COG5: variants seen among roughly 807,000 people sequenced by gnomAD.
The protein encoded by COG5 is component of oligomeric golgi complex 5.
A neutral mutation model predicts 110.4 loss-of-function variants in COG5; 86 were observed. That is an observed-to-expected ratio of 0.78 (90% CI 0.65 to 0.93). COG5 has a LOEUF of 0.93. COG5 is among the 40% of genes least tolerant of loss of function. The pLI is 0.00. For missense variants in COG5, 1,077 were observed against 987.0 expected, an observed-to-expected ratio of 1.09 and a Z score of -1.22; for synonymous variants, 360 against 334.6, an observed-to-expected ratio of 1.08 and a Z score of -0.83.
chr7:107,461,090 C>T (rs558880244), intron 6 of COG5, among the ~76,000 whole-genome samples: 2 of 152,152 alleles, frequency 1.3e-5, no homozygotes, highest in Admixed American at 1.3e-4. Flanking sequence ...TTTCAACTCA[C>T]TGGAGTCCAG....
At chr7:107,556,164 T>C (rs979797327) in intron 2 of COG5, among the ~76,000 whole-genome samples, 2 of 152,186 alleles carry the variant, frequency 1.3e-5, no homozygotes, top group African/African-American at 2.4e-5. Context: ...ATTTTAGCAC[T>C]GGCATGGAAG....
At chr7:107,353,233 G>A (rs1812319014) in intron 10 of COG5, among the ~76,000 whole-genome samples, 1 of 151,968 alleles carries the variant, frequency 6.6e-6, no homozygotes. Context: ...AGACCATCCT[G>A]GCTAACACGG....
chr7:107,323,504 C>T (rs1016775272), intron 11 of COG5, among the ~76,000 whole-genome samples: 7 of 152,140 alleles, frequency 4.6e-5, no homozygotes, highest in African/African-American at 1.7e-4. Flanking sequence ...GCACTCCAGC[C>T]TGGGTGACAG....
intron 12 of COG5, among the ~76,000 whole-genome samples, chr7:107,284,754 C>T (rs1041744654): frequency 2.6e-5 from 4 of 152,104 alleles, no homozygotes; most frequent in Non-Finnish European, 4.4e-5. Context: ...ATTTTTCTTT[C>T]GACAATTACT....
chr7:107,211,146 G>T lies in COG5; in HGVS notation c.2248C>A (p.Gln750Lys). 2.5e-6 allele frequency: 4 copies of T among 1,614,018 alleles called. No homozygotes were observed. The highest frequency in any genetic ancestry group is 1.7e-5 in the Admixed American group (1 of 60,030). The change falls in exon 20 of 22, where the codon CAG becomes AAG. Residue 750 changes from glutamine to lysine, a missense_variant. Transcript: ENST00000297135. ...GDVIPFSIII[Q>K]FLFTRAPAEL... ...GCGGGTGCTCTCGTGAACAAAAACT[G>T]AATAATGATGCTGAACGGAATCACA...
At chr7:107,288,102 G>A (rs1316882027) in intron 12 of COG5, among the ~76,000 whole-genome samples, 1 of 152,164 alleles carries the variant, frequency 6.6e-6, no homozygotes, top group Non-Finnish European at 1.5e-5. Context: ...AGTGGCTCAT[G>A]CCTGTAATCC....
At chr7:107,496,712 T>C (rs2129132694) in intron 6 of COG5, among the ~76,000 whole-genome samples, 1 of 149,618 alleles carries the variant, frequency 6.7e-6, no homozygotes, top group Admixed American at 6.7e-5. Context: ...TATACCACAT[T>C]AATAGGATGA....
At chr7:107,448,209 T>C (rs191407479) in intron 6 of COG5, among the ~76,000 whole-genome samples, 2,840 of 151,192 alleles carry the variant, frequency 0.019, 86 homozygotes, top group African/African-American at 0.065. Flanking sequence ...ACATGGAATG[T>C]TATATTGCTG....
At position 107,502,784 on chromosome 7, in the gene COG5, CAT is replaced by C. The variant is rs761356766; in HGVS notation, c.538+24451_538+24452del. On this transcript the variant is annotated intron_variant, in intron 6 of 21. Transcript: ENST00000297135. ...TGATTAGGGATGTTGAACATTTTTT[CAT>C]ATGTTTCTCGACCATTTGCATATCT... 2.0e-5 allele frequency among the ~76,000 whole-genome samples: 3 copies of C among 152,000 alleles called. 1 individual carries two copies. Among genetic ancestry groups the C allele is most frequent in the South Asian group, 4.1e-4 (2 of 4,826 alleles).
chr7:107,289,076 T>C (rs1447441615), intron 12 of COG5, among the ~76,000 whole-genome samples: 1 of 151,126 alleles, frequency 6.6e-6, no homozygotes, highest in Non-Finnish European at 1.5e-5. Flanking sequence ...TTTTCTCACC[T>C]CAGCTTCCCA....
intron 16 of COG5, among the ~76,000 whole-genome samples, chr7:107,249,515 C>A (rs1802317134): frequency 6.6e-6 from 1 of 151,650 alleles, no homozygotes; most frequent in Admixed American, 6.6e-5. Context: ...CACGTAAAAT[C>A]AAAAATGTAA....
intron 8 of COG5, among the ~76,000 whole-genome samples, chr7:107,369,213 T>G (rs1489424681): frequency 2.0e-5 from 3 of 152,196 alleles, no homozygotes; most frequent in African/African-American, 7.2e-5. Flanking sequence ...GGCTTTAAAT[T>G]GGTATCAGGC....
intron 6 of COG5, among the ~76,000 whole-genome samples, chr7:107,468,061 T>C (rs573509304): frequency 1.3e-5 from 2 of 152,322 alleles, no homozygotes; most frequent in African/African-American, 2.4e-5. Flanking sequence ...GATGTTTGAC[T>C]TGCCAAAAGT....
Position 107,373,247 on chromosome 7 carries a change from T to C in COG5, c.670-487A>G, listed in dbSNP as rs185273958. Among the ~76,000 whole-genome samples the C allele has an allele frequency of 2.6e-5, 4 of 152,306 alleles. No individual in the cohort carries two copies. In the East Asian group the frequency reaches 5.8e-4, roughly 22 times the overall value. ...ATATTTATACAGTGCCTACTGTATC[T>C]GTCATAGCTCTGAGTGCTGGAAAAA... On this transcript the variant is annotated intron_variant, in intron 7 of 21. Coordinates refer to ENST00000297135, the MANE Select transcript of COG5 (RefSeq NM_006348.5).
At chr7:107,283,050 T>C (rs1332613050) in intron 13 of COG5, among the ~76,000 whole-genome samples, 1 of 152,200 alleles carries the variant, frequency 6.6e-6, no homozygotes, top group Admixed American at 6.5e-5. Context: ...ATAATTACAT[T>C]GTCTGCAGGC....
chr7:107,253,237 T>C (rs1358192360), intron 16 of COG5: 2 of 152,136 alleles, frequency 1.3e-5, no homozygotes, highest in Non-Finnish European at 2.9e-5. Flanking sequence ...GAAGAGAGCA[T>C]CTTGGGGAAT....
intron 6 of COG5, among the ~76,000 whole-genome samples, chr7:107,455,130 C>T (rs1795581096): frequency 6.6e-6 from 1 of 152,116 alleles, no homozygotes; most frequent in African/African-American, 2.4e-5. Flanking sequence ...TGGTGGATGG[C>T]ATGAATACAA....
chr7:107,398,646 A>T (rs757693433), intron 7 of COG5, among the ~76,000 whole-genome samples: 3 of 152,238 alleles, frequency 2.0e-5, no homozygotes, highest in Non-Finnish European at 2.9e-5. Context: ...ATCACTGCAT[A>T]CAACAAAATG....
At chr7:107,337,962 T>A (rs1584696388) in intron 10 of COG5, among the ~76,000 whole-genome samples, 1 of 152,084 alleles carries the variant, frequency 6.6e-6, no homozygotes, top group Non-Finnish European at 1.5e-5. Context: ...AAAACCAGTA[T>A]CCTCAGAATT....
Sources: gnomAD v4.1 joint callset for allele counts (sites outside exome capture counted in the v4.1 genomes callset) on GRCh38, gnomAD v4.1.1 for gene constraint, MANE v1.5 for transcripts, NCBI Gene and HGNC (gene_info 2026-07-23, HGNC 2026-07-21) for gene names.